Variants in MGST1 observed in about 807,000 individuals in gnomAD.
MGST1 encodes microsomal glutathione S-transferase 1.
A neutral mutation model predicts 8.9 loss-of-function variants in MGST1; 5 were observed. The ratio of observed to expected loss-of-function variants is 0.56; its 90% CI spans 0.29 to 1.19. The LOEUF (loss-of-function observed/expected upper bound fraction) is 1.19. Ranked by LOEUF, MGST1 falls within the 50% of genes most tolerant of loss-of-function variation. The pLI is 0.08. For missense variants in MGST1, 182 were observed against 187.4 expected, an observed-to-expected ratio of 0.97 and a Z score of 0.17; for synonymous variants, 54 against 67.8, an observed-to-expected ratio of 0.80 and a Z score of 1.00.
chr12:16,398,251 C>A (rs552954660), intron 1 of MGST1, among the ~76,000 whole-genome samples: 9 of 152,174 alleles, frequency 5.9e-5, no homozygotes, highest in Non-Finnish European at 1.3e-4. Context: ...TGCAGTGGGA[C>A]AGGTGGGTGC....
intron 4 of MGST1, among the ~76,000 whole-genome samples, chr12:16,486,002 A>T (rs1369075643): frequency 6.6e-6 from 1 of 152,192 alleles, no homozygotes; most frequent in Non-Finnish European, 1.5e-5. Flanking sequence ...CATGCCAAGC[A>T]CTGCTCTTAC....
chr12:16,431,056 C>T (rs1940935870), intron 1 of MGST1, among the ~76,000 whole-genome samples: 1 of 152,222 alleles, frequency 6.6e-6, no homozygotes, highest in South Asian at 2.1e-4. Flanking sequence ...ATGTTATTAA[C>T]ATGGCATCTC....
At chr12:16,463,218 C>T (rs891682149) in intron 4 of MGST1, among the ~76,000 whole-genome samples, 2 of 151,934 alleles carry the variant, frequency 1.3e-5, no homozygotes, top group Non-Finnish European at 2.9e-5. Flanking sequence ...AGGTTTTCTC[C>T]GTCAACCTAG....
chr12:16,502,764 A>C (rs541519740), intron 4 of MGST1, among the ~76,000 whole-genome samples: 1 of 152,342 alleles, frequency 6.6e-6, no homozygotes, highest in South Asian at 2.1e-4. Flanking sequence ...CATATGTTAC[A>C]CTAAGCATTG....
At chr12:16,421,482 A>G (rs2061653460) in intron 1 of MGST1, among the ~76,000 whole-genome samples, 1 of 152,156 alleles carries the variant, frequency 6.6e-6, no homozygotes, top group Non-Finnish European at 1.5e-5. Flanking sequence ...GATCACTTCT[A>G]TTTCTAGTTT....
intron 4 of MGST1, chr12:16,549,620 T>C (rs1379196366): frequency 6.6e-6 from 1 of 152,414 alleles, no homozygotes; most frequent in Non-Finnish European, 1.5e-5. Flanking sequence ...TTGTTTCCTA[T>C]ACAAGTGATC....
At chr12:16,581,316 G>C (rs1010672255) in intron 4 of MGST1, among the ~76,000 whole-genome samples, 1 of 152,100 alleles carries the variant, frequency 6.6e-6, no homozygotes, top group Non-Finnish European at 1.5e-5. Flanking sequence ...TGGGAACTTT[G>C]ACTAAATGAC....
intron 1 of MGST1, among the ~76,000 whole-genome samples, chr12:16,348,057 G>A (rs764431413): frequency 1.8e-4 from 28 of 151,926 alleles, no homozygotes; most frequent in Non-Finnish European, 2.6e-4. Flanking sequence ...GTGTAGTAAT[G>A]GAGGAAATGC....
At chr12:16,563,495 T>C (rs1420902279) in intron 4 of MGST1, among the ~76,000 whole-genome samples, 1 of 152,132 alleles carries the variant, frequency 6.6e-6, no homozygotes, top group Non-Finnish European at 1.5e-5. Context: ...CTTTGTAAGA[T>C]TTTTTTTCAG....
At position 16,585,456 on chromosome 12, in the gene MGST1, G is replaced by A. The variant is rs1032922253; in HGVS notation, n.483-4072G>A. On this transcript the variant is annotated intron_variant and non_coding_transcript_variant, in intron 4 of 4. Coordinates refer to the MGST1 transcript ENST00000538857. This position sits in a 1 kb window ranked among gnomAD's most constrained non-coding sequence, Gnocchi z 4.7. ...TTCATCCTACACAGTGAGCATAAAT[G>A]TTGTTTCAAATATTGTTCCCAAATA... 3.3e-5 allele frequency among the ~76,000 whole-genome samples: 5 copies of A among 152,150 alleles called. No individual in the cohort carries two copies. The highest frequency in any genetic ancestry group is 1.2e-4 in the African/African-American group (5 of 41,434).
At chr12:16,479,635 G>A (rs1941351718) in intron 4 of MGST1, among the ~76,000 whole-genome samples, 1 of 150,162 alleles carries the variant, frequency 6.7e-6, no homozygotes, top group South Asian at 2.1e-4. Flanking sequence ...CTGGGCTCAA[G>A]CCATCCTCCC....
intron 4 of MGST1, among the ~76,000 whole-genome samples, chr12:16,532,473 T>C (rs1307090399): frequency 6.6e-6 from 1 of 152,182 alleles, no homozygotes; most frequent in Non-Finnish European, 1.5e-5. Context: ...CCAGCAAAGC[T>C]ATAGGGTTTA....
At chr12:16,524,286 G>A (rs1400651484) in intron 4 of MGST1, among the ~76,000 whole-genome samples, 1 of 151,782 alleles carries the variant, frequency 6.6e-6, no homozygotes, top group Non-Finnish European at 1.5e-5. Context: ...TTGTCTTTAT[G>A]AATCACATTA....
At chr12:16,351,679 G>A (rs1238638345) in intron 1 of MGST1, among the ~76,000 whole-genome samples, 5 of 151,962 alleles carry the variant, frequency 3.3e-5, no homozygotes, top group African/African-American at 9.7e-5. Flanking sequence ...GTGTGGTGGC[G>A]GGCACCTGTA....
At chr12:16,431,062 A>T (rs1463518606) in intron 1 of MGST1, among the ~76,000 whole-genome samples, 1 of 152,212 alleles carries the variant, frequency 6.6e-6, no homozygotes, top group African/African-American at 2.4e-5. Context: ...TTAACATGGC[A>T]TCTCTCCTTA....
At chr12:16,373,146 A>G (rs944031230) in intron 3 of MGST1, among the ~76,000 whole-genome samples, 1 of 151,700 alleles carries the variant, frequency 6.6e-6, no homozygotes, top group Non-Finnish European at 1.5e-5. Flanking sequence ...AAATAATCCA[A>G]GCACAGAAAG....
In MGST1 at chr12:16,576,469, A is replaced by G. The variant is rs1942999151; in HGVS notation, n.483-13059A>G. ...TTTTTCATATTCAGATCAAATGTCA[A>G]TGGATCTATGAAGCCTCTCTGATTT... On this transcript the variant is annotated intron_variant and non_coding_transcript_variant, in intron 4 of 4. Coordinates refer to the MGST1 transcript ENST00000538857. This position sits in a 1 kb window ranked among gnomAD's most constrained non-coding sequence, Gnocchi z 4.1. Among the ~76,000 whole-genome samples, 1 of 152,184 alleles carries G rather than the reference A, an allele frequency of 6.6e-6. No homozygotes were observed. The highest frequency in any genetic ancestry group is 1.5e-5 in the Non-Finnish European group (1 of 68,038).
chr12:16,439,680 T>A (rs1458337309), downstream of MGST1, among the ~76,000 whole-genome samples: 1 of 151,794 alleles, frequency 6.6e-6, no homozygotes, highest in Non-Finnish European at 1.5e-5. Context: ...TAAAGAACTC[T>A]CCAAGCTGAT....
rs1380081528 is a variant in MGST1, at chr12:16,517,115, G to A, written n.483-72413G>A. ...AAAATCAATATGTAACCTGAGAAGCGATATGCAAAGTCATTGGAAGGAAGC... is the reference window on the plus strand; with the variant it reads ...AAAATCAATATGTAACCTGAGAAGCAATATGCAAAGTCATTGGAAGGAAGC... On this transcript the variant is annotated intron_variant and non_coding_transcript_variant, in intron 4 of 4. Transcript: ENST00000538857. This position sits in a 1 kb window ranked among gnomAD's most constrained non-coding sequence, Gnocchi z 4.2. 2.0e-5 allele frequency among the ~76,000 whole-genome samples: 3 copies of A among 152,034 alleles called. No homozygotes were observed. Among genetic ancestry groups the A allele is most frequent in the South Asian group, 4.2e-4 (2 of 4,806 alleles).
Sources: gnomAD v4.1 joint callset for allele counts (sites outside exome capture counted in the v4.1 genomes callset) on GRCh38, gnomAD v4.1.1 for gene constraint, Gnocchi (gnomAD v3.1) non-coding constraint, MANE v1.5 for transcripts, NCBI Gene and HGNC (gene_info 2026-07-23, HGNC 2026-07-21) for gene names.